CCDC170: variants seen among roughly 807,000 people sequenced by gnomAD.
The protein encoded by CCDC170 is coiled-coil domain containing 170.
In CCDC170, 69 loss-of-function variants were observed where a neutral mutation model predicts 72.6. The ratio of observed to expected loss-of-function variants is 0.95; its 90% CI spans 0.78 to 1.16. The LOEUF (loss-of-function observed/expected upper bound fraction) is 1.16. Ranked by LOEUF, CCDC170 falls within the 50% of genes most tolerant of loss-of-function variation. The pLI is 0.00. For missense variants in CCDC170, 852 were observed against 832.5 expected, an observed-to-expected ratio of 1.02 and a Z score of -0.29; for synonymous variants, 300 against 303.9, an observed-to-expected ratio of 0.99 and a Z score of 0.13.
At position 151,544,705 on chromosome 6, in the gene CCDC170, T is replaced by C. The variant is rs372509980; in HGVS notation, c.577T>C (p.Leu193=). The stretch of plus-strand genomic sequence containing the variant: ...GAATGACAAGGCATCAGATGAAGAT[T>C]TAATTTTAAAGGTGTCTGTATGCAG... ...ERNDKASDED[L]ILKLRDLRKE... is the part of the protein sequence containing the mutation. Residue 193 remains leucine (L), a synonymous_variant, in exon 4 of 11, where the codon TTA becomes CTA. Coordinates refer to ENST00000239374, the MANE Select transcript of CCDC170 (RefSeq NM_025059.4). 6.2e-6 allele frequency: 10 copies of C among 1,611,424 alleles called. No homozygotes were observed. The African/African-American group carries it at 1.3e-4, about 22-fold the overall frequency.
intron 1 of CCDC170, among the ~76,000 whole-genome samples, chr6:151,507,008 T>G (rs552748079): frequency 2.0e-5 from 3 of 152,306 alleles, no homozygotes; most frequent in Non-Finnish European, 4.4e-5. Flanking sequence ...TCTCTCTCTA[T>G]GTACATACAC....
At chr6:151,520,838 A>G (rs930397482) in intron 1 of CCDC170, among the ~76,000 whole-genome samples, 2 of 152,194 alleles carry the variant, frequency 1.3e-5, no homozygotes, top group African/African-American at 4.8e-5. Flanking sequence ...TTCCTGGTTC[A>G]CTGGCTTCCC....
intron 1 of CCDC170, among the ~76,000 whole-genome samples, chr6:151,525,642 G>T (rs1782392867): frequency 6.6e-6 from 1 of 152,108 alleles, no homozygotes; most frequent in Non-Finnish European, 1.5e-5. Context: ...AAGAACTAAT[G>T]ATAATCCCAC....
chr6:151,600,692 A>G (rs182634465), intron 9 of CCDC170, among the ~76,000 whole-genome samples: 7 of 152,334 alleles, frequency 4.6e-5, no homozygotes, highest in Admixed American at 3.9e-4. Context: ...ACAATATAAA[A>G]TAATAATTTG....
chr6:151,560,940 A>T (rs1448759901), intron 5 of CCDC170, among the ~76,000 whole-genome samples: 3 of 152,144 alleles, frequency 2.0e-5, no homozygotes, highest in African/African-American at 7.2e-5. Flanking sequence ...TAAGTGGAGC[A>T]TTTAGGCCAT....
At chr6:151,604,414 G>T (rs1776754589) in intron 9 of CCDC170, among the ~76,000 whole-genome samples, 1 of 152,228 alleles carries the variant, frequency 6.6e-6, no homozygotes, top group Admixed American at 6.5e-5. Flanking sequence ...TGGTGAAGGA[G>T]TGGAGGGGTG....
chr6:151,501,047 A>C (rs1035401278), intron 1 of CCDC170, among the ~76,000 whole-genome samples: 5 of 152,324 alleles, frequency 3.3e-5, no homozygotes, highest in Admixed American at 2.0e-4. Context: ...TCTATGAAAT[A>C]ATAAGCCAGA....
intron 10 of CCDC170, among the ~76,000 whole-genome samples, chr6:151,616,868 C>T (rs12210699): frequency 0.19 from 28,426 of 152,054 alleles, 2,823 homozygotes; most frequent in South Asian, 0.23. Context: ...GGGCACTAAT[C>T]TTATTCATGA....
intron 9 of CCDC170, among the ~76,000 whole-genome samples, chr6:151,605,037 T>C (rs1221096023): frequency 5.3e-5 from 8 of 152,146 alleles, no homozygotes; most frequent in Admixed American, 2.0e-4. Flanking sequence ...ACCAACCTTT[T>C]CCTGTGCCCT....
chr6:151,529,065 T>C (rs894060474), intron 1 of CCDC170, among the ~76,000 whole-genome samples: 1 of 152,182 alleles, frequency 6.6e-6, no homozygotes, highest in Non-Finnish European at 1.5e-5. Context: ...AGTACTGTTA[T>C]CAGGTGATGG....
chr6:151,590,069 C>G (rs1331071943), intron 7 of CCDC170, among the ~76,000 whole-genome samples: 1 of 152,122 alleles, frequency 6.6e-6, no homozygotes, highest in Non-Finnish European at 1.5e-5. Context: ...CAGCAGCAAT[C>G]TCTTCGAGAT....
chr6:151,559,597 T>G (rs1783043444), intron 5 of CCDC170, among the ~76,000 whole-genome samples: 1 of 152,190 alleles, frequency 6.6e-6, no homozygotes, highest in South Asian at 2.1e-4. Context: ...CTTTAAGAGT[T>G]TTTTTGGTGT....
chr6:151,494,856 A>G (rs914624084), intron 1 of CCDC170, among the ~76,000 whole-genome samples: 1 of 152,172 alleles, frequency 6.6e-6, no homozygotes, highest in African/African-American at 2.4e-5. Context: ...TGGGCGCACA[A>G]GAAGATCTGG....
intron 8 of CCDC170, among the ~76,000 whole-genome samples, chr6:151,593,604 C>T (rs542258489): frequency 6.6e-6 from 1 of 152,238 alleles, no homozygotes; most frequent in African/African-American, 2.4e-5. Context: ...TGGCAACTCT[C>T]CTCTGTAAAG....
At position 151,548,383 on chromosome 6, in the gene CCDC170, T is replaced by C; in HGVS notation, c.668T>C (p.Met223Thr). ...ILEETINVHE[M>T]EAKASRETIM... ...GAAGAGACTATAAATGTCCATGAGATGGAAGCAAAAGCTAGCAGAGAAACG... is the reference window on the plus strand; with the variant it reads ...GAAGAGACTATAAATGTCCATGAGACGGAAGCAAAAGCTAGCAGAGAAACG... Residue 223 changes from methionine to threonine, a missense_variant, in exon 5 of 11, where the codon ATG (methionine) becomes ACG (threonine). By Grantham distance (81) the Met-to-Thr change is moderately conservative. Transcript: ENST00000239374. 6.2e-7 allele frequency: 1 copy of C among 1,612,840 alleles called. No individual in the cohort carries two copies.
At chr6:151,567,210 T>A (rs974805553) in intron 5 of CCDC170, among the ~76,000 whole-genome samples, 1 of 152,076 alleles carries the variant, frequency 6.6e-6, no homozygotes, top group Non-Finnish European at 1.5e-5. Context: ...TGAGTCACCG[T>A]GCCTGACCCC....
intron 3 of CCDC170, among the ~76,000 whole-genome samples, chr6:151,541,265 C>T (rs190108237): frequency 1.0e-3 from 154 of 152,262 alleles, no homozygotes; most frequent in African/African-American, 3.5e-3. Flanking sequence ...TCTTGCCCCT[C>T]TTTCCTTCCT....
chr6:151,565,729 TC>T (rs1776124491), intron 5 of CCDC170, among the ~76,000 whole-genome samples: 1 of 152,194 alleles, frequency 6.6e-6, no homozygotes, highest in Non-Finnish European at 1.5e-5. Context: ...TCTATATACT[TC>T]CCGGTTTTTA....
chr6:151,564,556 G>T (rs1412674384), intron 5 of CCDC170, among the ~76,000 whole-genome samples: 1 of 152,208 alleles, frequency 6.6e-6, no homozygotes, highest in Non-Finnish European at 1.5e-5. Flanking sequence ...GCAGTTGTGG[G>T]ACAATGCTTT....
Sources: allele counts gnomAD v4.1 joint callset (sites outside exome capture counted in the v4.1 genomes callset), GRCh38; gene constraint gnomAD v4.1.1; transcripts MANE v1.5; gene names NCBI Gene and HGNC (gene_info 2026-07-23, HGNC 2026-07-21).